GNPTAB: variants seen among roughly 807,000 people sequenced by gnomAD.
GNPTAB encodes N-acetylglucosamine-1-phosphotransferase subunits alpha/beta.
Under a neutral mutation model 136.6 loss-of-function variants are expected in GNPTAB, and 92 were observed. The ratio of observed to expected loss-of-function variants is 0.67; its 90% confidence interval spans 0.57 to 0.80. GNPTAB has a LOEUF of 0.80. Among genes scored for constraint, GNPTAB ranks in the 30% least tolerant of loss-of-function variants. The pLI is 0.00. For missense variants in GNPTAB, 1,343 were observed against 1,501.8 expected, an observed-to-expected ratio of 0.89 and a Z score of 1.75; for synonymous variants, 512 against 535.1, an observed-to-expected ratio of 0.96 and a Z score of 0.60.
chr12:101,788,494 A>T lies in GNPTAB; in HGVS notation c.365+54T>A, dbSNP rs199698550. On this transcript the variant is annotated intron_variant, in intron 4 of 20. Coordinates refer to ENST00000299314, the MANE Select transcript of GNPTAB (RefSeq NM_024312.5). The stretch of plus-strand genomic sequence containing the variant: ...CCAATAAAAACAAATGATAATCTGA[A>T]ATTTCACTTCAATCCTTCACTTTTT... 1,614 of 1,026,606 alleles carry T rather than the reference A, an allele frequency of 1.6e-3. 5 individuals are homozygous for T. Among genetic ancestry groups the T allele is most frequent in the Non-Finnish European group, 2.3e-3 (1,483 of 643,834 alleles). 63.6% of individuals were successfully genotyped at this position (1,026,606 alleles called of 1,614,324 possible).
intron 1 of GNPTAB, among the ~76,000 whole-genome samples, chr12:101,817,561 C>T (rs1395300510): frequency 6.6e-6 from 1 of 152,036 alleles, no homozygotes; most frequent in Admixed American, 6.6e-5. Context: ...AGCCATTGCA[C>T]CCAGCCTGAT....
rs765035644 is a variant in GNPTAB, at chr12:101,796,713, T to C, written c.167A>G (p.Tyr56Cys). 2 of 1,612,796 alleles carry C rather than the reference T, an allele frequency of 1.2e-6. No homozygotes were observed. Among genetic ancestry groups the C allele is most frequent in the South Asian group, 1.1e-5 (1 of 91,058 alleles). ...GGACTTTCCAGCAATATTGTCTCTATAGGAATCAAACAAAACATGGTATTG... is the reference window on the plus strand; with the variant it reads ...GGACTTTCCAGCAATATTGTCTCTACAGGAATCAAACAAAACATGGTATTG... ...RDQYHVLFDSYRDNIAGKSFQ... is the reference protein window; with the variant it reads ...RDQYHVLFDSCRDNIAGKSFQ... The change falls in exon 2 of 21, where the codon TAT (tyrosine) becomes TGT (cysteine). Residue 56 changes from tyrosine to cysteine, a missense_variant. By Grantham distance (194) the Tyr-to-Cys change is radical. Transcript: ENST00000299314.
chr12:101,820,161 C>T (rs1469464930), intron 1 of GNPTAB, among the ~76,000 whole-genome samples: 1 of 152,220 alleles, frequency 6.6e-6, no homozygotes, highest in Non-Finnish European at 1.5e-5. Flanking sequence ...ACTTAAACTA[C>T]TCTTCCTAAG....
At chr12:101,783,766 G>A (rs1868475063) in intron 5 of GNPTAB, among the ~76,000 whole-genome samples, 1 of 151,464 alleles carries the variant, frequency 6.6e-6, no homozygotes. Flanking sequence ...CCAGGCTGGA[G>A]ATCAGTGGTG....
intron 1 of GNPTAB, among the ~76,000 whole-genome samples, chr12:101,825,204 T>G (rs1486256129): frequency 6.6e-6 from 1 of 152,222 alleles, no homozygotes; most frequent in Non-Finnish European, 1.5e-5. Flanking sequence ...AACTAAACAA[T>G]AGCCAAAGGC....
At chr12:101,792,086 T>C (rs535340313) in intron 2 of GNPTAB, among the ~76,000 whole-genome samples, 9 of 152,110 alleles carry the variant, frequency 5.9e-5, no homozygotes, top group African/African-American at 1.9e-4. Flanking sequence ...AGAGTGTCTA[T>C]GGGGAGGCGG....
At chr12:101,765,468 A>C (rs1375777924) in intron 12 of GNPTAB, 164 bp from the exon 13 acceptor site, 10 of 619,134 alleles carry the variant, frequency 1.6e-5, no homozygotes, top group Non-Finnish European at 2.8e-5. Flanking sequence ...GCTAATGCCT[A>C]AACTGTTCTA....
At chr12:101,753,613 C>G (rs891481799) in intron 18 of GNPTAB, 74 bp from the exon 19 acceptor site, 26 of 1,205,240 alleles carry the variant, frequency 2.2e-5, no homozygotes, top group Middle Eastern at 3.8e-4. Context: ...GATGTGGATT[C>G]CAAATATATT....
intron 7 of GNPTAB, among the ~76,000 whole-genome samples, chr12:101,775,387 GTC>G (rs1446161063): frequency 7.0e-6 from 1 of 143,866 alleles, no homozygotes; most frequent in Non-Finnish European, 1.5e-5. Flanking sequence ...TTGAGACGGA[GTC>G]TCACTCTGTC....
At chr12:101,816,060 G>T (rs1011430976) in intron 1 of GNPTAB, among the ~76,000 whole-genome samples, 2 of 152,144 alleles carry the variant, frequency 1.3e-5, no homozygotes, top group Non-Finnish European at 2.9e-5. Context: ...ATGGATTAAA[G>T]ACTTAAATCT....
chr12:101,815,866 G>C (rs1308264276), intron 1 of GNPTAB, among the ~76,000 whole-genome samples: 1 of 152,134 alleles, frequency 6.6e-6, no homozygotes, highest in African/African-American at 2.4e-5. Context: ...ATCAATGGAA[G>C]AGAATAGAGA....
At chr12:101,829,599 AC>A (rs1871264364) in intron 1 of GNPTAB, among the ~76,000 whole-genome samples, 1 of 152,232 alleles carries the variant, frequency 6.6e-6, no homozygotes, top group Non-Finnish European at 1.5e-5. Context: ...AAAAAATCAC[AC>A]AAAAGCAATA....
At position 101,764,246 on chromosome 12, in the gene GNPTAB, A is replaced by G. The variant is rs1481989535; in HGVS notation, c.2671T>C (p.Phe891Leu). The G allele has an allele frequency of 6.2e-7, 1 of 1,614,152 alleles. No individual in the cohort carries two copies. The highest frequency in any genetic ancestry group is 2.2e-5 in the East Asian group (1 of 44,888). Residue 891 changes from phenylalanine to leucine, a missense_variant, in exon 13 of 21, where the codon TTT (phenylalanine) becomes CTT (leucine). By Grantham distance (22) the Phe-to-Leu change is conservative. Coordinates refer to ENST00000299314, the MANE Select transcript of GNPTAB (RefSeq NM_024312.5). The part of the protein sequence containing the change: ...LQHYTDSYLG[F>L]LPWEKKKYFQ... ...TACTTTTTTTTCTCCCATGGCAAAAAGCCCAAGTAACTATCTGTGTAATGC... is the reference window on the plus strand; with the variant it reads ...TACTTTTTTTTCTCCCATGGCAAAAGGCCCAAGTAACTATCTGTGTAATGC...
chr12:101,803,406 G>A (rs748490763), intron 1 of GNPTAB, among the ~76,000 whole-genome samples: 1 of 152,200 alleles, frequency 6.6e-6, no homozygotes, highest in East Asian at 1.9e-4. Flanking sequence ...AATCACATTC[G>A]ATTAAAGACA....
rs538532925 is a variant in GNPTAB at position 101,752,903 on chromosome 12, G to A, written c.3602+469C>T. Among the ~76,000 whole-genome samples the A allele has an allele frequency of 3.3e-5, 5 of 152,116 alleles. No individual in the cohort carries two copies. In the East Asian group the frequency reaches 7.7e-4, roughly 24 times the overall value. ...AATAAATGTCTTTCAAATATTAAAC[G>A]CAATAAAAATTATAACTATACATTT... On this transcript the variant is annotated intron_variant, in intron 19 of 20. Coordinates refer to ENST00000299314, the MANE Select transcript of GNPTAB (RefSeq NM_024312.5).
In GNPTAB at chr12:101,747,979, T is replaced by C. The variant is rs1379047163; in HGVS notation, c.3694-738A>G. Among the ~76,000 whole-genome samples the C allele has an allele frequency of 2.8e-5, 3 of 108,440 alleles. No homozygotes were observed. The East Asian group carries it at 9.3e-4, about 34-fold the overall frequency. 71.1% of individuals were successfully genotyped at this position (108,440 alleles called of 152,430 possible). Reference sequence around the variant, plus strand: ...GGAAAGACTGACACTCCTCTTCCTTTCCATTAATGGCTGCTCCTTTGAGTC... The same window carrying C: ...GGAAAGACTGACACTCCTCTTCCTTCCCATTAATGGCTGCTCCTTTGAGTC... On this transcript the variant is annotated intron_variant, in intron 20 of 20. Coordinates refer to ENST00000299314, the MANE Select transcript of GNPTAB (RefSeq NM_024312.5).
intron 16 of GNPTAB, among the ~76,000 whole-genome samples, chr12:101,759,219 C>T (rs544219633): frequency 2.1e-3 from 325 of 151,902 alleles, no homozygotes; most frequent in African/African-American, 7.7e-3. Context: ...AAAAATTAGC[C>T]GGGCGTGGTG....
intron 2 of GNPTAB, chr12:101,795,981 GA>G (rs1255747012): frequency 2.5e-5 from 10 of 392,622 alleles, no homozygotes; most frequent in Admixed American, 4.3e-5. Flanking sequence ...CCAAAGACAA[GA>G]AATGGTGAAG....
chr12:101,830,630 G>A lies in GNPTAB; in HGVS notation c.46C>T (p.His16Tyr). The A allele has an allele frequency of 1.9e-6, 3 of 1,612,404 alleles. No individual in the cohort carries two copies. The highest frequency in any genetic ancestry group is 2.5e-6 in the Non-Finnish European group (3 of 1,178,750). Reference sequence around the variant, plus strand: ...AAGCACACGTAGAGCCCATACCTGTGGGACAGGCAGGTATAGGTCTGTCTC... The same window carrying A: ...AAGCACACGTAGAGCCCATACCTGTAGGACAGGCAGGTATAGGTCTGTCTC... ...LQRQTYTCLS[H>Y]RYGLYVCFLG... The change falls in exon 1 of 21, where the codon CAC becomes TAC. Residue 16 changes from histidine to tyrosine, a missense_variant. By Grantham distance (83) the His-to-Tyr change is moderately conservative (BLOSUM62 2). Coordinates refer to ENST00000299314, the MANE Select transcript of GNPTAB (RefSeq NM_024312.5).
Sources: gnomAD v4.1 joint callset for allele counts (sites outside exome capture counted in the v4.1 genomes callset) on GRCh38, gnomAD v4.1.1 for gene constraint, MANE v1.5 for transcripts, NCBI Gene and HGNC (gene_info 2026-07-23, HGNC 2026-07-21) for gene names.